The following SLC4A4 variants were observed in gnomAD, a reference collection of about 807,000 sequenced individuals.
SLC4A4 encodes the protein solute carrier family 4 member 4.
A neutral mutation model predicts 111.5 loss-of-function variants in SLC4A4; 27 were observed. The ratio of observed to expected loss-of-function variants is 0.24; its 90% CI spans 0.18 to 0.33. The LOEUF (loss-of-function observed/expected upper bound fraction) is 0.33. SLC4A4 is among the 10% of genes least tolerant of loss of function. SLC4A4 has a pLI of 1.00. For synonymous variants in SLC4A4, 443 were observed against 463.4 expected, an observed-to-expected ratio of 0.96 and a Z score of 0.57; for missense variants, 909 against 1,315.5, an observed-to-expected ratio of 0.69 and a Z score of 4.78.
chr4:71,130,540 A>T (rs1272254419), intron 2 of SLC4A4, among the ~76,000 whole-genome samples: 2 of 152,080 alleles, frequency 1.3e-5, no homozygotes, highest in African/African-American at 2.4e-5. Flanking sequence ...GCCTGGCCTC[A>T]TTTTGTTAAA....
intron 2 of SLC4A4, among the ~76,000 whole-genome samples, chr4:71,121,421 G>A (rs1362179710): frequency 6.6e-6 from 1 of 152,228 alleles, no homozygotes; most frequent in Non-Finnish European, 1.5e-5. Context: ...ACTAGGCAAA[G>A]CCAGCTGGGC....
intron 2 of SLC4A4, among the ~76,000 whole-genome samples, chr4:71,143,203 G>GT (rs1407094760): frequency 6.6e-6 from 1 of 152,100 alleles, no homozygotes; most frequent in Admixed American, 6.5e-5. Flanking sequence ...GCAGTGTTTG[G>GT]TTTTTTGTCC....
At chr4:71,541,615 C>T (rs1735071379) in intron 18 of SLC4A4, among the ~76,000 whole-genome samples, 1 of 152,038 alleles carries the variant, frequency 6.6e-6, no homozygotes, top group Admixed American at 6.6e-5. Context: ...TTCTCAGCTG[C>T]CTGTGGCCTC....
intron 7 of SLC4A4, among the ~76,000 whole-genome samples, chr4:71,426,527 T>C (rs1161167784): frequency 6.6e-6 from 1 of 152,146 alleles, no homozygotes. Context: ...GGCAACGTAC[T>C]AGTCTCTAAC....
At chr4:71,354,982 A>G (rs1730157276) in intron 5 of SLC4A4, among the ~76,000 whole-genome samples, 1 of 152,200 alleles carries the variant, frequency 6.6e-6, no homozygotes, top group Admixed American at 6.5e-5. Flanking sequence ...GTAGCTGTGA[A>G]ATGTTACTGC....
chr4:71,264,230 C>G (rs1449929500), intron 3 of SLC4A4, among the ~76,000 whole-genome samples: 3 of 152,054 alleles, frequency 2.0e-5, no homozygotes, highest in African/African-American at 7.2e-5. Context: ...CTGGAATGTT[C>G]TATTCTTTTG....
intron 15 of SLC4A4, among the ~76,000 whole-genome samples, 192 bp downstream of exon 15, chr4:71,487,210 T>A (rs1729492416): frequency 6.6e-6 from 1 of 151,584 alleles, no homozygotes; most frequent in African/African-American, 2.4e-5. Context: ...ACTTTTTTTT[T>A]ATTTGCCTTA....
intron 2 of SLC4A4, among the ~76,000 whole-genome samples, chr4:71,152,250 T>A (rs1475885125): frequency 6.6e-6 from 1 of 152,192 alleles, no homozygotes; most frequent in Non-Finnish European, 1.5e-5. Context: ...TTTGTGTTAA[T>A]ATTTCCTCTG....
intron 2 of SLC4A4, among the ~76,000 whole-genome samples, chr4:71,098,562 CTG>C (rs2148944738): frequency 6.6e-6 from 1 of 151,998 alleles, no homozygotes; most frequent in African/African-American, 2.4e-5. Flanking sequence ...CAAAAAGAAA[CTG>C]GCATAATAAC....
chr4:71,377,412 C>T (rs1732510211), intron 6 of SLC4A4, among the ~76,000 whole-genome samples: 1 of 152,134 alleles, frequency 6.6e-6, no homozygotes, highest in Non-Finnish European at 1.5e-5. Context: ...ACTGTGATTC[C>T]TCTTTGTTCT....
At chr4:71,110,903 C>G (rs146449489) in intron 2 of SLC4A4, among the ~76,000 whole-genome samples, 3 of 152,292 alleles carry the variant, frequency 2.0e-5, no homozygotes, top group African/African-American at 4.8e-5. Context: ...CTCAAGTGCT[C>G]TGTTGCCCTT....
intron 17 of SLC4A4, among the ~76,000 whole-genome samples, chr4:71,533,919 C>G (rs953931497): frequency 4.6e-5 from 7 of 152,044 alleles, no homozygotes; most frequent in African/African-American, 1.7e-4. Context: ...TCTGGCTACT[C>G]TTTAAACTTA....
chr4:71,566,012 C>T (rs957619865), intron 24 of SLC4A4, among the ~76,000 whole-genome samples: 2 of 151,818 alleles, frequency 1.3e-5, no homozygotes, highest in East Asian at 3.9e-4. Context: ...GGTGGTTATG[C>T]AGCCCCACAC....
intron 3 of SLC4A4, among the ~76,000 whole-genome samples, chr4:71,282,757 T>G (rs1054063204): frequency 4.6e-5 from 7 of 151,618 alleles, no homozygotes; most frequent in Non-Finnish European, 8.8e-5. Flanking sequence ...TGATTTTTTT[T>G]TTTGAGACAG....
At chr4:71,165,978 A>T (rs1432237890) in intron 2 of SLC4A4, among the ~76,000 whole-genome samples, 2 of 152,154 alleles carry the variant, frequency 1.3e-5, no homozygotes, top group African/African-American at 2.4e-5. Flanking sequence ...TTATCCACAG[A>T]GCATAATAGT....
chr4:71,481,147 A>G (rs1319518456), intron 14 of SLC4A4, among the ~76,000 whole-genome samples: 1 of 151,660 alleles, frequency 6.6e-6, no homozygotes, highest in African/African-American at 2.4e-5. Context: ...ACTCCTCAAG[A>G]TTATGTGGTG....
chr4:71,443,874 G>C (rs569484744), intron 8 of SLC4A4, among the ~76,000 whole-genome samples: 1 of 152,236 alleles, frequency 6.6e-6, no homozygotes, highest in East Asian at 1.9e-4. Context: ...GATTGGGATG[G>C]AGATCCTGCT....
At chr4:71,284,773 C>A (rs768476686) in intron 3 of SLC4A4, among the ~76,000 whole-genome samples, 1 of 152,148 alleles carries the variant, frequency 6.6e-6, no homozygotes, top group Non-Finnish European at 1.5e-5. Context: ...GCTCCGCATT[C>A]TTTTCTTTTA....
At chr4:71,279,820 G>A (rs931675253) in intron 3 of SLC4A4, among the ~76,000 whole-genome samples, 1 of 151,948 alleles carries the variant, frequency 6.6e-6, no homozygotes, top group African/African-American at 2.4e-5. Context: ...TTTTGAGATG[G>A]AATCTTGCTC....
Sources: gnomAD v4.1 joint callset for allele counts (sites outside exome capture counted in the v4.1 genomes callset) on GRCh38, gnomAD v4.1.1 for gene constraint, MANE v1.5 for transcripts, NCBI Gene and HGNC (gene_info 2026-07-23, HGNC 2026-07-21) for gene names.